The following ANKRD12 variants were observed in gnomAD, a reference collection of about 807,000 sequenced individuals.
ANKRD12 encodes ankyrin repeat domain-containing protein 12.
Under a neutral mutation model 183.4 loss-of-function variants are expected in ANKRD12, and 85 were observed. The ratio of observed to expected loss-of-function variants is 0.46; its 90% CI spans 0.39 to 0.56. ANKRD12 has a LOEUF of 0.56. Among genes scored for constraint, ANKRD12 ranks in the 20% least tolerant of loss-of-function variants. The pLI is 0.00. For synonymous variants in ANKRD12, 914 were observed against 800.2 expected (o/e 1.14, Z -2.40); for missense variants, 2,405 against 2,357.1 (o/e 1.02, Z -0.42).
At chr18:9,232,325 C>G (rs938435466) in intron 8 of ANKRD12, among the ~76,000 whole-genome samples, 1 of 152,180 alleles carries the variant, frequency 6.6e-6, no homozygotes, top group African/African-American at 2.4e-5. Context: ...GTGATGAATT[C>G]TCAGTATTTG....
At chr18:9,264,647 C>T (rs757092122) in intron 10 of ANKRD12, among the ~76,000 whole-genome samples, 16 of 152,094 alleles carry the variant, frequency 1.1e-4, no homozygotes, top group Non-Finnish European at 1.9e-4. Context: ...AGAGAAGCAA[C>T]AAATGAAAGA....
intron 7 of ANKRD12, among the ~76,000 whole-genome samples, chr18:9,221,285 TACA>T (rs1233095906): frequency 6.6e-6 from 1 of 152,138 alleles, no homozygotes; most frequent in Non-Finnish European, 1.5e-5. Flanking sequence ...AAGTGATGAC[TACA>T]ACATTAGATA....
intron 1 of ANKRD12, among the ~76,000 whole-genome samples, chr18:9,144,542 A>G (rs2078428901): frequency 6.6e-6 from 1 of 152,194 alleles, no homozygotes; most frequent in African/African-American, 2.4e-5. Context: ...TTTGAGCATA[A>G]GGGGAAACAT....
intron 10 of ANKRD12, among the ~76,000 whole-genome samples, chr18:9,270,195 G>T (rs939079099): frequency 2.6e-5 from 4 of 152,234 alleles, no homozygotes; most frequent in African/African-American, 7.2e-5. Flanking sequence ...CATTGTGGAA[G>T]TCAGTGTGGC....
At position 9,182,388 on chromosome 18, in the gene ANKRD12, G is replaced by C. The variant is rs778382080; in HGVS notation, c.-45G>C. Reference sequence around the variant, plus strand: ...ATATATCTATTCTTTACAGATCCAGGATGAGAAGACTGATAAAAGAAGAAG... The same window carrying C: ...ATATATCTATTCTTTACAGATCCAGCATGAGAAGACTGATAAAAGAAGAAG... On this transcript the variant is annotated 5_prime_UTR_variant, in exon 2 of 13. Coordinates refer to ENST00000262126, the MANE Select transcript of ANKRD12 (RefSeq NM_015208.5). 8 of 1,300,444 alleles carry C rather than the reference G, an allele frequency of 6.2e-6. No individual in the cohort carries two copies. The highest frequency in any genetic ancestry group is 8.8e-6 in the Non-Finnish European group (8 of 909,056). The allele number at this position is 1,300,444 out of a possible 1,614,324, so 80.6% of individuals were successfully genotyped here.
chr18:9,206,580 G>T (rs1409040352), intron 4 of ANKRD12, among the ~76,000 whole-genome samples: 1 of 151,960 alleles, frequency 6.6e-6, no homozygotes, highest in African/African-American at 2.4e-5. Flanking sequence ...TTCTTACTTT[G>T]CTGTCTCATG....
At chr18:9,247,089 G>A (rs2038004393) in intron 8 of ANKRD12, among the ~76,000 whole-genome samples, 1 of 152,072 alleles carries the variant, frequency 6.6e-6, no homozygotes, top group Non-Finnish European at 1.5e-5. Context: ...TCTTCATTAT[G>A]TTTGACTGTT....
intron 3 of ANKRD12, among the ~76,000 whole-genome samples, chr18:9,202,104 G>T (rs1366057799): frequency 6.6e-6 from 1 of 152,162 alleles, no homozygotes; most frequent in African/African-American, 2.4e-5. Context: ...GGGATTACAG[G>T]CGTGAGCAAC....
chr18:9,137,531 C>G (rs2078156065), intron 1 of ANKRD12: 1 of 148,720 alleles, frequency 6.7e-6, no homozygotes, highest in Non-Finnish European at 1.5e-5. Flanking sequence ...CCGCCAGCCG[C>G]CGAGCGTGCG....
In ANKRD12 at chr18:9,279,590, A is replaced by C. The variant is rs1362627957; in HGVS notation, c.5949A>C (p.Ala1983=). 4.4e-6 allele frequency: 7 copies of C among 1,608,648 alleles called. No homozygotes were observed. Among genetic ancestry groups the C allele is most frequent in the Non-Finnish European group, 5.9e-6 (7 of 1,178,686 alleles). ...CTTCTGTGAGGGATCGCTTTAATGC[A>C]AGACAATTCATGTCTTGGTTACAAG... is the stretch of plus-strand genomic sequence containing the variant. The part of the protein sequence containing the change: ...SKTSVRDRFN[A]RQFMSWLQDV... The change falls in exon 12 of 13, where the codon GCA becomes GCC. Residue 1983 remains alanine (A), a synonymous_variant. Coordinates refer to ENST00000262126, the MANE Select transcript of ANKRD12 (RefSeq NM_015208.5).
intron 10 of ANKRD12, among the ~76,000 whole-genome samples, chr18:9,266,585 C>T (rs1208205636): frequency 6.6e-6 from 1 of 152,128 alleles, no homozygotes; most frequent in Non-Finnish European, 1.5e-5. Context: ...TTGTCACTAC[C>T]AGGCCTGCCC....
At chr18:9,174,463 G>A (rs1197019872) in intron 1 of ANKRD12, among the ~76,000 whole-genome samples, 2 of 152,226 alleles carry the variant, frequency 1.3e-5, no homozygotes, top group Non-Finnish European at 2.9e-5. Flanking sequence ...GCACAGCTCT[G>A]TATGTTGGAC....
intron 1 of ANKRD12, among the ~76,000 whole-genome samples, chr18:9,162,857 CTGTT>C (rs1005106499): frequency 6.6e-6 from 1 of 151,916 alleles, no homozygotes; most frequent in African/African-American, 2.4e-5. Flanking sequence ...CGAAAAGTGT[CTGTT>C]CATGTTCTTT....
At position 9,254,405 on chromosome 18, in the gene ANKRD12, ATTC is replaced by A. The variant is rs2038478521; in HGVS notation, c.1141_1143del (p.Leu381del). ...TAATAAGATGATTGATGATAGGCAT[ATTC>A]TTAGGAAAGAACAACGAAAAGAAAA... On this transcript the variant is annotated inframe_deletion, in exon 9 of 13. Transcript: ENST00000262126. The A allele has an allele frequency of 6.3e-7, 1 of 1,593,250 alleles. No homozygotes were observed. The highest frequency in any genetic ancestry group is 8.5e-7 in the Non-Finnish European group (1 of 1,174,160).
intron 6 of ANKRD12, among the ~76,000 whole-genome samples, chr18:9,213,781 T>G (rs1446071934): frequency 1.3e-5 from 2 of 151,920 alleles, no homozygotes; most frequent in Non-Finnish European, 2.9e-5. Flanking sequence ...ATTACAAAAG[T>G]AATTAAGTTT....
intron 4 of ANKRD12, among the ~76,000 whole-genome samples, chr18:9,204,775 A>C (rs532415775): frequency 1.3e-5 from 2 of 152,032 alleles, no homozygotes; most frequent in African/African-American, 4.8e-5. Context: ...ATATACCTCC[A>C]CTCCAGTTTT....
chr18:9,189,817 A>C (rs1048519806), intron 2 of ANKRD12, among the ~76,000 whole-genome samples: 2 of 152,240 alleles, frequency 1.3e-5, no homozygotes, highest in Non-Finnish European at 2.9e-5. Flanking sequence ...CATTGACAAC[A>C]TGTCAGTGAG....
intron 7 of ANKRD12, among the ~76,000 whole-genome samples, chr18:9,219,876 T>G (rs1478805670): frequency 6.6e-6 from 1 of 152,196 alleles, no homozygotes; most frequent in Non-Finnish European, 1.5e-5. Context: ...CTCCCCAGTC[T>G]TACACAGCCC....
intron 2 of ANKRD12, among the ~76,000 whole-genome samples, chr18:9,192,153 T>C (rs1159538440): frequency 6.6e-6 from 1 of 152,186 alleles, no homozygotes; most frequent in African/African-American, 2.4e-5. Flanking sequence ...TCTCACCATA[T>C]AATAAAACCT....
Sources: allele counts gnomAD v4.1 joint callset (sites outside exome capture counted in the v4.1 genomes callset), GRCh38; gene constraint gnomAD v4.1.1; transcripts MANE v1.5; gene names NCBI Gene and HGNC (gene_info 2026-07-23, HGNC 2026-07-21).